The following PTPN6 variants were observed in gnomAD, a reference collection of about 807,000 sequenced individuals.
PTPN6 encodes tyrosine-protein phosphatase non-receptor type 6.
Under a neutral mutation model 81.5 loss-of-function variants are expected in PTPN6, and 18 were observed. That is an observed-to-expected ratio of 0.22 (90% CI 0.15 to 0.33). The LOEUF (loss-of-function observed/expected upper bound fraction) is 0.33, where lower values mean the gene tolerates loss of function less well. Ranked by LOEUF, PTPN6 falls within the 10% of genes least tolerant of loss-of-function variation. The probability of loss-of-function intolerance (pLI) is 1.00; values close to 1 mark genes in which losing one functional copy is unlikely to be tolerated. For synonymous variants in PTPN6, 301 were observed against 310.9 expected (o/e 0.97, Z 0.33); for missense variants, 500 against 794.2 (o/e 0.63, Z 4.45).
chr12:6,951,077 G>A (rs746465376), upstream of PTPN6, among the ~76,000 whole-genome samples: 173 of 152,346 alleles, frequency 1.1e-3, no homozygotes, highest in Non-Finnish European at 1.9e-3. This position sits in a 1 kb window ranked among gnomAD's most constrained non-coding sequence, Gnocchi z 7.2. Context: ...GAGAGATGCC[G>A]TGGGACCGTC....
chr12:6,957,629 T>TGGCCCCCCC lies in PTPN6; in HGVS notation c.1075-25_1075-24insGGCCCCCCC. The TGGCCCCCCC allele has an allele frequency of 6.6e-6, 10 of 1,521,404 alleles. No individual in the cohort carries two copies. Among genetic ancestry groups the TGGCCCCCCC allele is most frequent in the Non-Finnish European group, 8.1e-6 (9 of 1,105,578 alleles). The allele number at this position is 1,521,404 out of a possible 1,614,324, so 94.2% of individuals were successfully genotyped here. ...CCACAGTGCCCTGCTCTGTGCCTCA[T>TGGCCCCCCC]CCCCACCCGACCCTCCCTTTCCAGA... On this transcript the variant is annotated intron_variant, in intron 9 of 15. Coordinates refer to ENST00000318974, the MANE Select transcript of PTPN6 (RefSeq NM_002831.6). This position sits in a 1 kb window ranked among gnomAD's most constrained non-coding sequence, Gnocchi z 6.5.
At position 6,956,632 on chromosome 12, in the gene PTPN6, G is replaced by T; in HGVS notation, c.1074+64G>T. ...TGTGGTCATGCCATTAAGTCGAAGA[G>T]CAGTCAGATGCCAGGGCAGAAAGGG... On this transcript the variant is annotated intron_variant, in intron 9 of 15. Coordinates refer to ENST00000318974, the MANE Select transcript of PTPN6 (RefSeq NM_002831.6). The surrounding 1 kb of genome is among the most constrained non-coding windows in gnomAD (Gnocchi z 4.1). 1 of 1,600,368 alleles carries T rather than the reference G, an allele frequency of 6.2e-7. No homozygotes were observed. The highest frequency in any genetic ancestry group is 1.7e-5 in the Admixed American group (1 of 59,890).
rs1555147969 is a variant in PTPN6 at position 6,952,690 on chromosome 12, A to G, written c.326+513A>G. The G allele has an allele frequency of 4.9e-6, 1 of 203,736 alleles. No individual in the cohort carries two copies. The highest frequency in any genetic ancestry group is 2.3e-5 in the African/African-American group (1 of 42,934). The allele number at this position is 203,736 out of a possible 1,614,324, so 12.6% of individuals were successfully genotyped here. A position where few individuals can be genotyped will look rare whatever the true frequency, so the allele number is the denominator to read the frequency against. ...GGATGGGTCTGTCCTGTGGGGTCAA[A>G]TAGGTCTCCGGCCCAAACAGAGATC... On this transcript the variant is annotated intron_variant, in intron 3 of 15. Transcript: ENST00000318974. The surrounding 1 kb of genome is among the most constrained non-coding windows in gnomAD (Gnocchi z 8.1).
In PTPN6 at chr12:6,954,769, C is replaced by T; in HGVS notation, c.327-36C>T. On this transcript the variant is annotated intron_variant, in intron 3 of 15. Transcript: ENST00000318974. This position sits in a 1 kb window ranked among gnomAD's most constrained non-coding sequence, Gnocchi z 5.4. ...CTCTGCTCAGCGCCTTCCCCTGTGG[C>T]CTGGGTCTTACCTTCCCTGACGCTG... The T allele has an allele frequency of 6.2e-7, 1 of 1,603,316 alleles. No individual in the cohort carries two copies. Among genetic ancestry groups the T allele is most frequent in the Non-Finnish European group, 8.5e-7 (1 of 1,175,082 alleles).
Position 6,957,967 on chromosome 12 carries a change from G to C in PTPN6, c.1255G>C (p.Asp419His). 1 of 1,613,842 alleles carries C rather than the reference G, an allele frequency of 6.2e-7. No homozygotes were observed. Among genetic ancestry groups the C allele is most frequent in the Non-Finnish European group, 8.5e-7 (1 of 1,180,030 alleles). The change falls in exon 11 of 16, where the codon GAC becomes CAC. Residue 419 changes from aspartate (D) to histidine (H), a missense_variant. Transcript: ENST00000318974. This position sits in a 1 kb window ranked among gnomAD's most constrained non-coding sequence, Gnocchi z 6.5. ...GCATTACCAGTACCTGAGCTGGCCC[G>C]ACCATGGGGTCCCCAGTGAGCCTGG... ...IWHYQYLSWP[D>H]HGVPSEPGGV...
chr12:6,948,618 A>G (rs1162980122), upstream of PTPN6, among the ~76,000 whole-genome samples: 1 of 151,738 alleles, frequency 6.6e-6, no homozygotes, highest in African/African-American at 2.4e-5. Flanking sequence ...GAAAAAGAAA[A>G]AGTGACAACC....
At chr12:6,948,434 C>CAAAAAAAA (rs1262721721), upstream of PTPN6, among the ~76,000 whole-genome samples, 23 of 45,472 alleles carry the variant, frequency 5.1e-4, no homozygotes, top group African/African-American at 1.6e-3. Flanking sequence ...GATTCTGTGT[C>CAAAAAAAA]AAAAAAAAAA....
At chr12:6,947,601 C>A (rs1483157757), upstream of PTPN6, among the ~76,000 whole-genome samples, 1 of 145,972 alleles carries the variant, frequency 6.9e-6, no homozygotes, top group Non-Finnish European at 1.5e-5. Context: ...CCTGGGAGGT[C>A]AAGGCTGCAG....
chr12:6,960,763 C>T lies in PTPN6; in HGVS notation c.1674-43C>T. 1 of 1,552,042 alleles carries T rather than the reference C, an allele frequency of 6.4e-7. No homozygotes were observed. Among genetic ancestry groups the T allele is most frequent in the South Asian group, 1.2e-5 (1 of 84,108 alleles). ...GGGTCCCCCTGTGCTGTCTCCTGACCTGCACCAACTGCCTGTACTTGCCCC... is the reference window on the plus strand; with the variant it reads ...GGGTCCCCCTGTGCTGTCTCCTGACTTGCACCAACTGCCTGTACTTGCCCC... On this transcript the variant is annotated intron_variant, in intron 14 of 15. Coordinates refer to ENST00000318974, the MANE Select transcript of PTPN6 (RefSeq NM_002831.6). This position sits in a 1 kb window ranked among gnomAD's most constrained non-coding sequence, Gnocchi z 6.1.
At chr12:6,951,025 G>A (rs931530668), upstream of PTPN6, among the ~76,000 whole-genome samples, 3 of 152,212 alleles carry the variant, frequency 2.0e-5, no homozygotes, top group Admixed American at 6.5e-5. This position sits in a 1 kb window ranked among gnomAD's most constrained non-coding sequence, Gnocchi z 7.2. Flanking sequence ...TGTTATTAGC[G>A]TGGGCCAGGG....
In PTPN6 at chr12:6,959,632, C is replaced by G. The variant is rs1307615458; in HGVS notation, c.1362-295C>G. On this transcript the variant is annotated intron_variant, in intron 11 of 15. Coordinates refer to ENST00000318974, the MANE Select transcript of PTPN6 (RefSeq NM_002831.6). This position sits in a 1 kb window ranked among gnomAD's most constrained non-coding sequence, Gnocchi z 6.6. Reference sequence around the variant, plus strand: ...TGGGATTTGGGGGTCCCAGGTCTTCCGGGGTGGGGGCAGCCACTCACTAGG... The same window carrying G: ...TGGGATTTGGGGGTCCCAGGTCTTCGGGGGTGGGGGCAGCCACTCACTAGG... The G allele has an allele frequency of 3.6e-6, 2 of 559,060 alleles. No individual in the cohort carries two copies. Among genetic ancestry groups the G allele is most frequent in the Middle Eastern group, 4.8e-4 (1 of 2,104 alleles). 34.6% of individuals were successfully genotyped at this position (559,060 alleles called of 1,614,324 possible). A position where few individuals can be genotyped will look rare whatever the true frequency, so the allele number is the denominator to read the frequency against.
At position 6,956,608 on chromosome 12, in the gene PTPN6, G is replaced by C. The variant is rs1285611186; in HGVS notation, c.1074+40G>C. 1 of 1,611,968 alleles carries C rather than the reference G, an allele frequency of 6.2e-7. No homozygotes were observed. Among genetic ancestry groups the C allele is most frequent in the East Asian group, 2.2e-5 (1 of 44,876 alleles). On this transcript the variant is annotated intron_variant, in intron 9 of 15. Coordinates refer to ENST00000318974, the MANE Select transcript of PTPN6 (RefSeq NM_002831.6). The surrounding 1 kb of genome is among the most constrained non-coding windows in gnomAD (Gnocchi z 4.1). Reference sequence around the variant, plus strand: ...CTTCCCCGCATCCGCCCCCGTGCTTGTGGTCATGCCATTAAGTCGAAGAGC... The same window carrying C: ...CTTCCCCGCATCCGCCCCCGTGCTTCTGGTCATGCCATTAAGTCGAAGAGC...
Position 6,956,663 on chromosome 12 carries a change from A to G in PTPN6, c.1074+95A>G. On this transcript the variant is annotated intron_variant, in intron 9 of 15. Coordinates refer to ENST00000318974, the MANE Select transcript of PTPN6 (RefSeq NM_002831.6). This position sits in a 1 kb window ranked among gnomAD's most constrained non-coding sequence, Gnocchi z 4.1. ...AGATGCCAGGGCAGAAAGGGATCTC[A>G]GGGGTGAGGGTCCGGCCCTTGTTGG... is the stretch of plus-strand genomic sequence containing the variant. 2 of 1,451,636 alleles carry G rather than the reference A, an allele frequency of 1.4e-6. No homozygotes were observed. The highest frequency in any genetic ancestry group is 4.6e-5 in the East Asian group (2 of 43,236). 89.9% of individuals were successfully genotyped at this position (1,451,636 alleles called of 1,614,324 possible). A position where few individuals can be genotyped will look rare whatever the true frequency, so the allele number is the denominator to read the frequency against.
At position 6,960,273 on chromosome 12, in the gene PTPN6, G is replaced by T. The variant is rs782231175; in HGVS notation, c.1581+34G>T. ...AGAGCAGGGCCTGGGGGGGGGGGGG[G>T]CTGCAGTGCAGGATGGGTGCCACCT... On this transcript the variant is annotated intron_variant, in intron 13 of 15. Transcript: ENST00000318974. This position sits in a 1 kb window ranked among gnomAD's most constrained non-coding sequence, Gnocchi z 6.1. 1.3e-6 allele frequency: 2 copies of T among 1,577,000 alleles called. No individual in the cohort carries two copies. The highest frequency in any genetic ancestry group is 1.1e-5 in the South Asian group (1 of 90,344).
chr12:6,955,440 G>A lies in PTPN6; in HGVS notation c.702G>A (p.Gln234=), dbSNP rs1340881647. The A allele has an allele frequency of 5.0e-6, 8 of 1,614,114 alleles. No individual in the cohort carries two copies. Among genetic ancestry groups the A allele is most frequent in the Non-Finnish European group, 6.8e-6 (8 of 1,180,012 alleles). ...GAGTGTTGGAACTGAACAAGAAGCA[G>A]GAGTCCGAGGATACAGCCAAGGCTG... ...ENRVLELNKK[Q]ESEDTAKAGF... Residue 234 remains glutamine, a synonymous_variant, in exon 6 of 16, where the codon CAG becomes CAA. Coordinates refer to ENST00000318974, the MANE Select transcript of PTPN6 (RefSeq NM_002831.6). The surrounding 1 kb of genome is among the most constrained non-coding windows in gnomAD (Gnocchi z 7.2).
chr12:6,949,585 T>C (rs1478626202), upstream of PTPN6, among the ~76,000 whole-genome samples: 1 of 152,118 alleles, frequency 6.6e-6, no homozygotes, highest in Non-Finnish European at 1.5e-5. Context: ...ACCTACTAAG[T>C]AGGGTTGGCC....
chr12:6,947,346 T>C (rs868995522), upstream of PTPN6, among the ~76,000 whole-genome samples: 4 of 152,320 alleles, frequency 2.6e-5, no homozygotes, highest in Admixed American at 1.3e-4. Context: ...AATTGGATCA[T>C]TGCAGATTCT....
chr12:6,948,229 G>A (rs1430199845), upstream of PTPN6, among the ~76,000 whole-genome samples: 2 of 151,962 alleles, frequency 1.3e-5, no homozygotes, highest in African/African-American at 2.4e-5. Flanking sequence ...ACCACCCTGG[G>A]CAACATAGGG....
Position 6,955,864 on chromosome 12 carries a change from C to A in PTPN6, c.844+108C>A. Reference sequence around the variant, plus strand: ...CACGCCAGGAGGGGCCATCTCCCCACACCCCCCACAGAGCCTCCCCCTTCT... The same window carrying A: ...CACGCCAGGAGGGGCCATCTCCCCAAACCCCCCACAGAGCCTCCCCCTTCT... On this transcript the variant is annotated intron_variant, in intron 7 of 15. Coordinates refer to ENST00000318974, the MANE Select transcript of PTPN6 (RefSeq NM_002831.6). This position sits in a 1 kb window ranked among gnomAD's most constrained non-coding sequence, Gnocchi z 7.2. 1 of 1,062,978 alleles carries A rather than the reference C, an allele frequency of 9.4e-7. No homozygotes were observed. Among genetic ancestry groups the A allele is most frequent in the Non-Finnish European group, 1.4e-6 (1 of 696,212 alleles). 65.8% of individuals were successfully genotyped at this position (1,062,978 alleles called of 1,614,324 possible).
Sources: allele counts gnomAD v4.1 joint callset (sites outside exome capture counted in the v4.1 genomes callset), GRCh38; gene constraint gnomAD v4.1.1; non-coding constraint Gnocchi (gnomAD v3.1); transcripts MANE v1.5; gene names NCBI Gene and HGNC (gene_info 2026-07-23, HGNC 2026-07-21).